SPOCK3: variants seen among roughly 807,000 people sequenced by gnomAD.
SPOCK3 encodes SPARC (osteonectin), cwcv and kazal like domains proteoglycan 3, also known as testican-3.
Under a neutral mutation model 56.6 loss-of-function variants are expected in SPOCK3, and 30 were observed. That is an observed-to-expected ratio of 0.53 (90% CI 0.40 to 0.72). The LOEUF (loss-of-function observed/expected upper bound fraction) is 0.72, where lower values mean the gene tolerates loss of function less well. Among genes scored for constraint, SPOCK3 ranks in the 30% least tolerant of loss-of-function variants. The probability of loss-of-function intolerance (pLI) is 0.00; values close to 1 mark genes in which losing one functional copy is unlikely to be tolerated. For synonymous variants in SPOCK3, 196 were observed against 183.3 expected (o/e 1.07, Z -0.56); for missense variants, 527 against 530.0 (o/e 0.99, Z 0.06).
chr4:166,905,795 T>A (rs1736543291), intron 5 of SPOCK3, among the ~76,000 whole-genome samples: 1 of 151,848 alleles, frequency 6.6e-6, no homozygotes, highest in South Asian at 2.1e-4. Flanking sequence ...AATATACAAG[T>A]CAGTATAGAA....
At chr4:167,202,610 T>G (rs561051826) in intron 2 of SPOCK3, among the ~76,000 whole-genome samples, 1 of 151,996 alleles carries the variant, frequency 6.6e-6, no homozygotes, top group Admixed American at 6.6e-5. Context: ...CTCCCTCTGA[T>G]TTTTTAATAC....
chr4:167,032,488 G>T (rs997224762), intron 3 of SPOCK3, among the ~76,000 whole-genome samples: 1 of 151,948 alleles, frequency 6.6e-6, no homozygotes, highest in East Asian at 1.9e-4. Context: ...TCAAATTTTG[G>T]TTTCTTCATC....
chr4:167,216,894 C>T (rs1306183031), intron 2 of SPOCK3, among the ~76,000 whole-genome samples: 1 of 152,024 alleles, frequency 6.6e-6, no homozygotes, highest in East Asian at 1.9e-4. Flanking sequence ...CAGTTTAATA[C>T]ATGTAGAAAC....
chr4:167,199,752 T>C (rs1171693889), intron 2 of SPOCK3, among the ~76,000 whole-genome samples: 2 of 148,892 alleles, frequency 1.3e-5, no homozygotes, highest in Non-Finnish European at 3.0e-5. Context: ...TAAGTGCCAA[T>C]ACAAGTATCT....
At chr4:167,083,513 C>A (rs1295645752) in intron 2 of SPOCK3, among the ~76,000 whole-genome samples, 1 of 152,090 alleles carries the variant, frequency 6.6e-6, no homozygotes, top group Non-Finnish European at 1.5e-5. Context: ...GTGTGAAGGA[C>A]TGTATTGTCA....
intron 7 of SPOCK3, among the ~76,000 whole-genome samples, chr4:166,781,812 T>C (rs1415088089): frequency 6.6e-6 from 1 of 151,744 alleles, no homozygotes; most frequent in Non-Finnish European, 1.5e-5. Context: ...GTAAAGAAAA[T>C]AGCAGATTTG....
intron 2 of SPOCK3, among the ~76,000 whole-genome samples, chr4:167,177,455 T>C (rs1731085899): frequency 6.6e-6 from 1 of 152,006 alleles, no homozygotes. Context: ...TGAGTTGGAT[T>C]TAATACTTGT....
At chr4:166,937,770 T>TG in intron 4 of SPOCK3, among the ~76,000 whole-genome samples, 1 of 148,568 alleles carries the variant, frequency 6.7e-6, no homozygotes, top group South Asian at 2.1e-4. Context: ...TTTCTTTTTT[T>TG]TTTTTGAGAC....
At position 167,203,556 on chromosome 4, in the gene SPOCK3, T is replaced by TAAA. The variant is rs113951203; in HGVS notation, c.189+30426_189+30428dup. 4.8e-4 allele frequency among the ~76,000 whole-genome samples: 68 copies of TAAA among 142,796 alleles called. 1 individual carries two copies. Among genetic ancestry groups the TAAA allele is most frequent in the African/African-American group, 1.6e-3 (64 of 39,244 alleles). 93.7% of individuals were successfully genotyped at this position (142,796 alleles called of 152,430 possible). A position where few individuals can be genotyped will look rare whatever the true frequency, so the allele number is the denominator to read the frequency against. On this transcript the variant is annotated intron_variant, in intron 2 of 10. Transcript: ENST00000357545. ...CACAGAAAAGATATTTCTATCTGATTAAAAAAAAAAAAAGACAGAAAAGAA... is the reference window on the plus strand; with the variant it reads ...CACAGAAAAGATATTTCTATCTGATTAAAAAAAAAAAAAAAAGACAGAAAAGAA...
chr4:167,179,774 T>C (rs1303008267), intron 2 of SPOCK3, among the ~76,000 whole-genome samples: 1 of 152,156 alleles, frequency 6.6e-6, no homozygotes, highest in African/African-American at 2.4e-5. Flanking sequence ...CTCAGCTATG[T>C]CAGAACTGAA....
At chr4:166,791,434 C>T (rs1014034069) in intron 7 of SPOCK3, among the ~76,000 whole-genome samples, 20 of 152,110 alleles carry the variant, frequency 1.3e-4, no homozygotes, top group African/African-American at 4.8e-4. Context: ...ATTGCTACTC[C>T]TTCCCCTTTT....
At chr4:167,060,643 A>T (rs1200247163) in intron 3 of SPOCK3, among the ~76,000 whole-genome samples, 1 of 152,204 alleles carries the variant, frequency 6.6e-6, no homozygotes, top group Non-Finnish European at 1.5e-5. Context: ...GTTTTAACAT[A>T]TAGAAATAAA....
chr4:167,110,723 GA>G (rs1351223753), intron 2 of SPOCK3, among the ~76,000 whole-genome samples: 4 of 151,854 alleles, frequency 2.6e-5, no homozygotes, highest in South Asian at 4.1e-4. Context: ...ACTTAAGGGG[GA>G]AAAAATTCCA....
At chr4:167,199,519 T>G (rs955506751) in intron 2 of SPOCK3, among the ~76,000 whole-genome samples, 1 of 151,838 alleles carries the variant, frequency 6.6e-6, no homozygotes, top group African/African-American at 2.4e-5. Flanking sequence ...CCACAGTTCT[T>G]CATGTGATTG....
At chr4:166,749,418 A>T in intron 8 of SPOCK3, among the ~76,000 whole-genome samples, 1 of 151,320 alleles carries the variant, frequency 6.6e-6, no homozygotes, top group African/African-American at 2.4e-5. Flanking sequence ...GTTCTCACTC[A>T]TAGGTGGGAA....
At chr4:166,923,644 A>G (rs913695433) in intron 4 of SPOCK3, among the ~76,000 whole-genome samples, 1 of 152,192 alleles carries the variant, frequency 6.6e-6, no homozygotes, top group African/African-American at 2.4e-5. Flanking sequence ...GCCCATTAGC[A>G]GCCACAAGAC....
chr4:166,805,756 G>T (rs1224809944), intron 6 of SPOCK3, among the ~76,000 whole-genome samples: 4 of 151,178 alleles, frequency 2.6e-5, no homozygotes, highest in African/African-American at 9.8e-5. Context: ...GGTACACTTG[G>T]CAATCATCTG....
intron 4 of SPOCK3, among the ~76,000 whole-genome samples, chr4:166,993,612 A>G (rs1748037394): frequency 6.6e-6 from 1 of 152,258 alleles, no homozygotes; most frequent in East Asian, 1.9e-4. Context: ...TTTAACGTAT[A>G]AGGTAATCTT....
intron 2 of SPOCK3, among the ~76,000 whole-genome samples, chr4:167,079,010 A>G (rs1757471726): frequency 1.3e-5 from 2 of 151,854 alleles, no homozygotes; most frequent in South Asian, 4.1e-4. Context: ...CAGTTTTTCT[A>G]AATTTATTCT....
Sources: allele counts gnomAD v4.1 joint callset (sites outside exome capture counted in the v4.1 genomes callset), GRCh38; gene constraint gnomAD v4.1.1; transcripts MANE v1.5; gene names NCBI Gene and HGNC (gene_info 2026-07-23, HGNC 2026-07-21).